Variants in HEATR4 observed in about 807,000 individuals in gnomAD.
The protein encoded by HEATR4 is HEAT repeat-containing protein 4.
HEATR4 carries 95 observed loss-of-function variants against 108.8 expected under a neutral mutation model. The observed-to-expected ratio is 0.87, with a 90% CI of 0.74 to 1.04. The LOEUF (loss-of-function observed/expected upper bound fraction) is 1.04. Among genes scored for constraint, HEATR4 ranks in the 50% least tolerant of loss-of-function variants. The pLI is 0.00. For missense variants in HEATR4, 1,152 were observed against 1,253.8 expected, an observed-to-expected ratio of 0.92 and a Z score of 1.23; for synonymous variants, 443 against 459.4, an observed-to-expected ratio of 0.96 and a Z score of 0.46.
chr14:73,566,726 T>A, the HEATR4 span, among the ~76,000 whole-genome samples: 2 of 151,770 alleles, frequency 1.3e-5, no homozygotes, highest in Non-Finnish European at 2.9e-5. Flanking sequence ...CCTCCACACC[T>A]CCCTGCAAGC....
chr14:73,574,172 C>T, the HEATR4 span: 416 of 162,588 alleles, frequency 2.6e-3, 5 homozygotes, highest in African/African-American at 9.6e-3. Flanking sequence ...CACCTGGCCT[C>T]TTATAGACAG....
At chr14:73,577,653 C>T in the HEATR4 span, among the ~76,000 whole-genome samples, 1 of 151,782 alleles carries the variant, frequency 6.6e-6, no homozygotes, top group Non-Finnish European at 1.5e-5. Context: ...TCTGCTGAAG[C>T]CCTTTTGAGA....
At chr14:73,575,686 A>G in the HEATR4 span, 2 of 606,362 alleles carry the variant, frequency 3.3e-6, no homozygotes, top group Non-Finnish European at 6.0e-6. Flanking sequence ...TATAAACTGT[A>G]TACTTTATCA....
chr14:73,617,053 G>A, the HEATR4 span: 5 of 1,244,048 alleles, frequency 4.0e-6, no homozygotes, highest in Non-Finnish European at 3.5e-6. Flanking sequence ...TGTGAATACA[G>A]GGCCAGCCTC....
chr14:73,576,597 G>A, the HEATR4 span, among the ~76,000 whole-genome samples: 2 of 151,458 alleles, frequency 1.3e-5, no homozygotes, highest in Non-Finnish European at 3.0e-5. Context: ...GAGCTCAGGA[G>A]TTCAAGACAA....
chr14:73,588,738 T>C, the HEATR4 span, among the ~76,000 whole-genome samples: 2 of 152,202 alleles, frequency 1.3e-5, no homozygotes, highest in East Asian at 1.9e-4. Context: ...ATCAATCAAA[T>C]GTTAAGCCAG....
At chr14:73,507,578 C>T (rs540395237) in intron 9 of HEATR4, among the ~76,000 whole-genome samples, 4 of 151,916 alleles carry the variant, frequency 2.6e-5, no homozygotes, top group Non-Finnish European at 5.9e-5. Context: ...GGATTACAGG[C>T]ACATACCACC....
the HEATR4 span, chr14:73,574,788 G>A: frequency 5.8e-6 from 9 of 1,545,950 alleles, 1 homozygote; most frequent in South Asian, 8.4e-5. Flanking sequence ...TGCAAATCTG[G>A]GTAAATGGTA....
the HEATR4 span, among the ~76,000 whole-genome samples, chr14:73,607,769 A>C: frequency 6.8e-6 from 1 of 146,108 alleles, no homozygotes; most frequent in Non-Finnish European, 1.5e-5. Flanking sequence ...GATTACAGGC[A>C]TGCACCACCA....
rs1471492160 is a variant in HEATR4 at position 73,532,052 on chromosome 14, A to T, written c.-151-1808T>A. 3.5e-5 allele frequency among the ~76,000 whole-genome samples: 4 copies of T among 113,902 alleles called. 1 individual carries two copies. Among genetic ancestry groups the T allele is most frequent in the African/African-American group, 1.1e-4 (4 of 34,956 alleles). 74.7% of individuals were successfully genotyped at this position (113,902 alleles called of 152,430 possible). A position where few individuals can be genotyped will look rare whatever the true frequency, so the allele number is the denominator to read the frequency against. On this transcript the variant is annotated intron_variant, in intron 1 of 17. Coordinates refer to ENST00000553558, the MANE Select transcript of HEATR4 (RefSeq NM_001220484.1). ...AGTCTCAAAAAATAAAAATAAAAAA[A>T]CCCTCTAGATGTATGCGGCTCCATA...
the HEATR4 span, among the ~76,000 whole-genome samples, chr14:73,586,408 A>T: frequency 6.8e-6 from 1 of 147,108 alleles, no homozygotes; most frequent in Non-Finnish European, 1.5e-5. Context: ...AAGAAAAAAA[A>T]AATTTTTTTT....
the HEATR4 span, among the ~76,000 whole-genome samples, chr14:73,615,396 AAAAAAAAAAAACAAAAAAC>A: frequency 6.6e-5 from 9 of 136,536 alleles, 1 homozygote; most frequent in African/African-American, 1.3e-4. Context: ...GATAAAAAAA[AAAAAAAAAAAACAAAAAAC>A]AAAAAAAACC....
At chr14:73,566,636 C>A in the HEATR4 span, among the ~76,000 whole-genome samples, 3 of 151,844 alleles carry the variant, frequency 2.0e-5, no homozygotes, top group Admixed American at 2.0e-4. Flanking sequence ...GAGTGTGGGG[C>A]CCACCAAGCC....
At position 73,536,516 on chromosome 14, in the gene HEATR4, T is replaced by TAAAA. The variant is rs543491523; in HGVS notation, c.-151-6276_-151-6273dup. Among the ~76,000 whole-genome samples, 23 of 59,334 alleles carry TAAAA rather than the reference T, an allele frequency of 3.9e-4. 1 individual carries two copies. The highest frequency in any genetic ancestry group is 1.4e-3 in the South Asian group (2 of 1,394). The allele number at this position is 59,334 out of a possible 152,430, so 38.9% of individuals were successfully genotyped here. A position where few individuals can be genotyped will look rare whatever the true frequency, so the allele number is the denominator to read the frequency against. On this transcript the variant is annotated intron_variant, in intron 1 of 17. Transcript: ENST00000553558. ...GCAACGTAGTGAGACCCTGTCTCTT[T>TAAAA]AAAAAAAAAAAAAAAAAAAAAAAAA...
the HEATR4 span, among the ~76,000 whole-genome samples, chr14:73,625,659 C>A: frequency 6.6e-6 from 1 of 152,208 alleles, no homozygotes; most frequent in Admixed American, 6.5e-5. Flanking sequence ...CCACATCTAG[C>A]CTTTTTCATT....
At chr14:73,487,856 G>A (rs1885511888) in intron 17 of HEATR4, among the ~76,000 whole-genome samples, 1 of 152,124 alleles carries the variant, frequency 6.6e-6, no homozygotes, top group African/African-American at 2.4e-5. Context: ...GATAATTGGG[G>A]GACAATATGC....
intron 10 of HEATR4, among the ~76,000 whole-genome samples, chr14:73,504,821 G>A (rs1331643166): frequency 1.3e-5 from 2 of 152,220 alleles, no homozygotes; most frequent in East Asian, 3.8e-4. Flanking sequence ...AGGAAGAAGG[G>A]AAAGCTCCCA....
chr14:73,567,955 CT>C, the HEATR4 span: 11 of 152,128 alleles, frequency 7.2e-5, no homozygotes, highest in African/African-American at 2.4e-4. Flanking sequence ...AGACACACTA[CT>C]TTTCAGAACT....
the HEATR4 span, among the ~76,000 whole-genome samples, chr14:73,629,771 A>G: frequency 6.6e-6 from 1 of 151,774 alleles, no homozygotes; most frequent in Non-Finnish European, 1.5e-5. Flanking sequence ...CAGCCTCCCA[A>G]GTAGCTGGGA....
Sources: allele counts gnomAD v4.1 joint callset (sites outside exome capture counted in the v4.1 genomes callset), GRCh38; gene constraint gnomAD v4.1.1; transcripts MANE v1.5; gene names NCBI Gene and HGNC (gene_info 2026-07-23, HGNC 2026-07-21).